SORCS1: variants seen among roughly 807,000 people sequenced by gnomAD.
SORCS1 encodes the protein VPS10 domain-containing receptor SorCS1.
In SORCS1, 60 loss-of-function variants were observed where a neutral mutation model predicts 146.1. The observed-to-expected ratio is 0.41, with a 90% CI of 0.33 to 0.51. SORCS1 has a LOEUF of 0.51. Ranked by LOEUF, SORCS1 falls within the 20% of genes least tolerant of loss-of-function variation. The pLI is 0.21. For missense variants in SORCS1, 1,352 were observed against 1,487.6 expected, an observed-to-expected ratio of 0.91 and a Z score of 1.50; for synonymous variants, 637 against 584.0, an observed-to-expected ratio of 1.09 and a Z score of -1.31.
upstream of SORCS1, among the ~76,000 whole-genome samples, chr10:107,165,307 G>GTGTGTGTGTA (rs1419718141): frequency 6.6e-6 from 1 of 151,598 alleles, no homozygotes; most frequent in Non-Finnish European, 1.5e-5. The surrounding 1 kb of genome is among the most constrained non-coding windows in gnomAD (Gnocchi z 4.0). Flanking sequence ...GTGTGTGTGT[G>GTGTGTGTGTA]TGTGTGTGTG....
At chr10:106,886,134 C>T (rs1361700707) in intron 2 of SORCS1, among the ~76,000 whole-genome samples, 3 of 152,090 alleles carry the variant, frequency 2.0e-5, no homozygotes, top group Non-Finnish European at 4.4e-5. Context: ...TGGTAGCAGG[C>T]ACCTGTAATC....
intron 1 of SORCS1, among the ~76,000 whole-genome samples, chr10:107,031,215 A>G (rs1405337435): frequency 2.0e-5 from 3 of 152,248 alleles, no homozygotes; most frequent in Non-Finnish European, 4.4e-5. Flanking sequence ...GACCATGAGA[A>G]TTATTACATG....
intron 21 of SORCS1, among the ~76,000 whole-genome samples, chr10:106,615,940 C>T (rs190272628): frequency 6.6e-6 from 1 of 152,264 alleles, no homozygotes; most frequent in East Asian, 1.9e-4. Context: ...CATGTTTTCT[C>T]ATCCGTAAAA....
chr10:106,764,850 C>T (rs1035454579), intron 4 of SORCS1, among the ~76,000 whole-genome samples: 5 of 151,788 alleles, frequency 3.3e-5, no homozygotes, highest in African/African-American at 9.7e-5. Context: ...GGTGAAACTC[C>T]GTCTCTACTA....
intron 1 of SORCS1, among the ~76,000 whole-genome samples, chr10:107,004,847 G>A (rs1432932222): frequency 6.6e-6 from 1 of 152,108 alleles, no homozygotes; most frequent in Non-Finnish European, 1.5e-5. Context: ...CCATAAATAT[G>A]CTGGTATGTG....
chr10:106,688,320 T>A lies in SORCS1; in HGVS notation c.1432A>T (p.Met478Leu). The A allele has an allele frequency of 6.2e-7, 1 of 1,613,686 alleles. No homozygotes were observed. The highest frequency in any genetic ancestry group is 1.1e-5 in the South Asian group (1 of 90,990). The change falls in exon 10 of 26, where the codon ATG becomes TTG. Residue 478 changes from methionine to leucine, a missense_variant. Met to Leu is a conservative substitution (Grantham distance 15, BLOSUM62 2). Transcript: ENST00000263054. ...TCAATCTTCTTGTTAGCCAAGAACATTCCCTTTATCCCTGCTACCTGGGAA... is the reference window on the plus strand; with the variant it reads ...TCAATCTTCTTGTTAGCCAAGAACAATCCCTTTATCCCTGCTACCTGGGAA... ...DLYEVAGIKG[M>L]FLANKKIDNQ... is the part of the protein sequence containing the mutation.
At chr10:107,138,599 G>C (rs978850220) in intron 1 of SORCS1, among the ~76,000 whole-genome samples, 3 of 152,116 alleles carry the variant, frequency 2.0e-5, no homozygotes, top group African/African-American at 7.2e-5. Context: ...TTCTCATGTA[G>C]ATTATTCACA....
chr10:106,974,498 G>A (rs868152724), intron 1 of SORCS1, among the ~76,000 whole-genome samples: 40 of 152,186 alleles, frequency 2.6e-4, no homozygotes, highest in African/African-American at 7.7e-4. Flanking sequence ...GTGATGGGGA[G>A]GATGGCACTG....
At position 106,994,800 on chromosome 10, in the gene SORCS1, A is replaced by G. The variant is rs142637728; in HGVS notation, c.559-38220T>C. Among the ~76,000 whole-genome samples, 284 of 152,348 alleles carry G rather than the reference A, an allele frequency of 1.9e-3. 1 individual carries two copies. Among genetic ancestry groups the G allele is most frequent in the African/African-American group, 6.5e-3 (269 of 41,580 alleles). On this transcript the variant is annotated intron_variant, in intron 1 of 25. Coordinates refer to ENST00000263054, the MANE Select transcript of SORCS1 (RefSeq NM_052918.5). ...AAGAGAAGGAGAAGATGAAGAGGCA[A>G]TAACTCATTGAGAGCAAACTGGCTT...
rs969946834 is a variant in SORCS1, at chr10:107,119,673, T to C, written c.558+44296A>G. ...AGCCTTCAAATATTTTATTTTACAA[T>C]AGGAAGTCTAATCCACAGAGAGATT... On this transcript the variant is annotated intron_variant, in intron 1 of 25. Transcript: ENST00000263054. Among the ~76,000 whole-genome samples, 5 of 152,184 alleles carry C rather than the reference T, an allele frequency of 3.3e-5. No individual in the cohort carries two copies. The South Asian group carries it at 1.0e-3, about 31-fold the overall frequency.
intron 1 of SORCS1, among the ~76,000 whole-genome samples, chr10:106,972,657 C>T (rs1304252858): frequency 2.6e-5 from 4 of 152,004 alleles, no homozygotes; most frequent in African/African-American, 9.7e-5. Context: ...AAACAGACAC[C>T]TGCTCTCATT....
rs771625611 is a variant in SORCS1, at chr10:107,072,814, C to T, written c.558+91155G>A. The stretch of plus-strand genomic sequence containing the variant: ...TTTGAATAATTGCCCAGAAACTAAA[C>T]GCATATCTGACCTCCAACCCTGTGC... On this transcript the variant is annotated intron_variant, in intron 1 of 25. Transcript: ENST00000263054. 9.3e-5 allele frequency among the ~76,000 whole-genome samples: 14 copies of T among 151,240 alleles called. 1 individual carries two copies. The Middle Eastern group carries it at 0.024, about 264-fold the overall frequency.
chr10:106,964,016 A>G (rs974423016), intron 1 of SORCS1, among the ~76,000 whole-genome samples: 1 of 152,220 alleles, frequency 6.6e-6, no homozygotes, highest in African/African-American at 2.4e-5. Context: ...AAAAGGATGC[A>G]TTTAAGACAA....
At chr10:106,685,538 C>G (rs575930109) in intron 10 of SORCS1, among the ~76,000 whole-genome samples, 1 of 152,244 alleles carries the variant, frequency 6.6e-6, no homozygotes, top group East Asian at 1.9e-4. Flanking sequence ...AAGCAATGAT[C>G]TGAAGGCCAA....
chr10:106,888,803 A>G (rs767524955), intron 2 of SORCS1, among the ~76,000 whole-genome samples: 48 of 152,396 alleles, frequency 3.1e-4, no homozygotes, highest in Non-Finnish European at 5.9e-4. Context: ...GAGTAGGAGA[A>G]TCTATGTCCT....
intron 1 of SORCS1, among the ~76,000 whole-genome samples, chr10:107,102,863 C>G (rs774611318): frequency 6.6e-6 from 1 of 152,126 alleles, no homozygotes. Context: ...CCTACAATCC[C>G]TGTCCACAAT....
At chr10:106,631,432 C>T (rs1212730480) in intron 18 of SORCS1, among the ~76,000 whole-genome samples, 1 of 152,212 alleles carries the variant, frequency 6.6e-6, no homozygotes, top group Non-Finnish European at 1.5e-5. Context: ...CAGTTAGTTT[C>T]CACCCCTAGT....
At chr10:107,057,351 T>G (rs1564981408) in intron 1 of SORCS1, among the ~76,000 whole-genome samples, 1 of 152,176 alleles carries the variant, frequency 6.6e-6, no homozygotes, top group Non-Finnish European at 1.5e-5. Flanking sequence ...CTAGGTTTAG[T>G]TCTTAGAGAA....
intron 16 of SORCS1, among the ~76,000 whole-genome samples, chr10:106,668,779 C>T (rs1851362764): frequency 6.6e-6 from 1 of 152,134 alleles, no homozygotes; most frequent in Non-Finnish European, 1.5e-5. Flanking sequence ...AGAATTGCTG[C>T]CTATAGGACA....
Sources: allele counts gnomAD v4.1 joint callset (sites outside exome capture counted in the v4.1 genomes callset), GRCh38; gene constraint gnomAD v4.1.1; non-coding constraint Gnocchi (gnomAD v3.1); transcripts MANE v1.5; gene names NCBI Gene and HGNC (gene_info 2026-07-23, HGNC 2026-07-21).